Variants in QTMAN observed in about 807,000 individuals in gnomAD.
QTMAN encodes queuosine-tRNA mannosyltransferase.
the QTMAN span, among the ~76,000 whole-genome samples, chr2:144,329,241 C>CA: frequency 1.4e-4 from 19 of 135,156 alleles, no homozygotes; most frequent in Admixed American, 6.8e-4. Flanking sequence ...GACTCTGCCT[C>CA]AAAAAAAAAT....
At chr2:144,162,254 G>A in the QTMAN span, among the ~76,000 whole-genome samples, 20 of 152,136 alleles carry the variant, frequency 1.3e-4, no homozygotes, top group African/African-American at 2.9e-4. Context: ...TTCCAGGAAC[G>A]AATATACTTC....
chr2:143,978,696 T>C, the QTMAN span, among the ~76,000 whole-genome samples: 2 of 152,206 alleles, frequency 1.3e-5, no homozygotes, highest in Admixed American at 6.5e-5. Flanking sequence ...GCACAATGTA[T>C]GTAATTACTT....
the QTMAN span, among the ~76,000 whole-genome samples, chr2:144,322,292 T>A: frequency 1.3e-5 from 2 of 152,198 alleles, no homozygotes; most frequent in Admixed American, 6.5e-5. Context: ...AGCTTTTGTT[T>A]ATGTGGCTTG....
chr2:144,292,205 A>G, the QTMAN span, among the ~76,000 whole-genome samples: 5 of 152,166 alleles, frequency 3.3e-5, no homozygotes, highest in African/African-American at 1.2e-4. Flanking sequence ...CCCTTACAAG[A>G]TCATCAAACC....
the QTMAN span, among the ~76,000 whole-genome samples, chr2:144,125,726 T>TG: frequency 2.0e-5 from 3 of 152,034 alleles, no homozygotes; most frequent in African/African-American, 7.2e-5. Context: ...CCTTATTTCA[T>TG]GAAAAACCAT....
chr2:144,062,682 CA>C, the QTMAN span, among the ~76,000 whole-genome samples: 3 of 152,120 alleles, frequency 2.0e-5, no homozygotes, highest in African/African-American at 7.2e-5. Context: ...ACTTTATTAA[CA>C]ACAGACTTTA....
At chr2:144,195,214 T>C in the QTMAN span, among the ~76,000 whole-genome samples, 190 of 152,180 alleles carry the variant, frequency 1.2e-3, no homozygotes, top group African/African-American at 4.4e-3. Context: ...CTGAGAAGCA[T>C]TGATAATGCA....
At chr2:144,039,542 T>C in the QTMAN span, among the ~76,000 whole-genome samples, 8 of 152,196 alleles carry the variant, frequency 5.3e-5, no homozygotes, top group Non-Finnish European at 1.2e-4. Context: ...TGGTGAACTA[T>C]ATTCTGTGGC....
chr2:144,135,515 T>A, the QTMAN span, among the ~76,000 whole-genome samples: 1 of 152,220 alleles, frequency 6.6e-6, no homozygotes, highest in Non-Finnish European at 1.5e-5. Context: ...TTTCATTTTT[T>A]CTATCAAAAT....
the QTMAN span, among the ~76,000 whole-genome samples, chr2:144,134,821 T>TA: frequency 1.3e-5 from 2 of 152,078 alleles, no homozygotes; most frequent in Admixed American, 6.6e-5. Context: ...ATCTCCTCAT[T>TA]AAAAAATAAA....
the QTMAN span, among the ~76,000 whole-genome samples, chr2:144,244,032 G>A: frequency 7.2e-4 from 109 of 152,340 alleles, no homozygotes; most frequent in African/African-American, 2.5e-3. Context: ...CAAGTATCAT[G>A]TGAATGTTTT....
chr2:143,958,460 T>C, the QTMAN span, among the ~76,000 whole-genome samples: 2 of 152,012 alleles, frequency 1.3e-5, no homozygotes, highest in African/African-American at 2.4e-5. Context: ...TGTAAAACCA[T>C]AGAGAAAGAC....
At chr2:144,237,091 A>G in the QTMAN span, among the ~76,000 whole-genome samples, 1 of 152,190 alleles carries the variant, frequency 6.6e-6, no homozygotes, top group Non-Finnish European at 1.5e-5. Flanking sequence ...CAGGTCAACA[A>G]AGCCCTATTC....
chr2:144,231,296 GT>G, the QTMAN span, among the ~76,000 whole-genome samples: 2 of 152,048 alleles, frequency 1.3e-5, no homozygotes, highest in Non-Finnish European at 2.9e-5. Flanking sequence ...CAAGAGTCAT[GT>G]TTGAAACCTA....
At chr2:144,170,628 A>G in the QTMAN span, among the ~76,000 whole-genome samples, 2 of 152,124 alleles carry the variant, frequency 1.3e-5, no homozygotes, top group African/African-American at 2.4e-5. Context: ...GGGAGATACT[A>G]TCTCTATATT....
the QTMAN span, chr2:143,940,718 C>T: frequency 6.6e-6 from 1 of 152,350 alleles, no homozygotes; most frequent in Non-Finnish European, 1.5e-5. Flanking sequence ...GCCACCTGCT[C>T]CCTCTGCTCT....
the QTMAN span, among the ~76,000 whole-genome samples, chr2:144,289,803 A>G: frequency 9.3e-4 from 141 of 152,358 alleles, no homozygotes; most frequent in Middle Eastern, 3.4e-3. Context: ...TGCTATCTAC[A>G]AGAGACACAC....
the QTMAN span, among the ~76,000 whole-genome samples, chr2:144,071,473 A>G: frequency 6.6e-6 from 1 of 152,202 alleles, no homozygotes; most frequent in African/African-American, 2.4e-5. Context: ...GGTTTCAGAA[A>G]AGGCTAAAGT....
the QTMAN span, among the ~76,000 whole-genome samples, chr2:144,032,919 A>G: frequency 1.3e-5 from 2 of 152,232 alleles, no homozygotes; most frequent in East Asian, 1.9e-4. Flanking sequence ...CTCAAGGGGG[A>G]AAAAAATAGG....
Sources: allele counts gnomAD v4.1 joint callset (sites outside exome capture counted in the v4.1 genomes callset), GRCh38; gene constraint gnomAD v4.1.1; transcripts MANE v1.5; gene names NCBI Gene and HGNC (gene_info 2026-07-23, HGNC 2026-07-21).